ATXN10: variants seen among roughly 807,000 people sequenced by gnomAD.
ATXN10 encodes ataxin-10.
A neutral mutation model predicts 52.9 loss-of-function variants in ATXN10; 28 were observed. That is an observed-to-expected ratio of 0.53 (90% CI 0.39 to 0.73). The LOEUF is 0.73. ATXN10 is among the 30% of genes least tolerant of loss of function. The pLI is 0.00. For synonymous variants in ATXN10, 226 were observed against 221.5 expected, an observed-to-expected ratio of 1.02 and a Z score of -0.18; for missense variants, 565 against 577.0, an observed-to-expected ratio of 0.98 and a Z score of 0.21.
chr22:45,773,714 T>A (rs544684787), intron 9 of ATXN10, among the ~76,000 whole-genome samples: 1 of 152,220 alleles, frequency 6.6e-6, no homozygotes, highest in East Asian at 1.9e-4. Flanking sequence ...CACCTCGGCC[T>A]CCCAAAATGC....
chr22:45,705,933 G>C lies in ATXN10; in HGVS notation c.647+3086G>C, dbSNP rs769520927. On this transcript the variant is annotated intron_variant, in intron 5 of 11. Transcript: ENST00000252934. The surrounding 1 kb of genome is among the most constrained non-coding windows in gnomAD (Gnocchi z 5.2). ...AGCAGGCAAGCAAGCATTCCTGCCTGAGCGCCACTTCTTGTCAGATCATCA... is the reference window on the plus strand; with the variant it reads ...AGCAGGCAAGCAAGCATTCCTGCCTCAGCGCCACTTCTTGTCAGATCATCA... Among the ~76,000 whole-genome samples, 2 of 152,296 alleles carry C rather than the reference G, an allele frequency of 1.3e-5. No individual in the cohort carries two copies. The highest frequency in any genetic ancestry group is 2.4e-5 in the African/African-American group (1 of 41,564).
chr22:45,843,276 G>C lies in ATXN10; in HGVS notation c.1425+98G>C. 7.5e-7 allele frequency: 1 copy of C among 1,339,678 alleles called. No homozygotes were observed. The highest frequency in any genetic ancestry group is 1.1e-6 in the Non-Finnish European group (1 of 943,124). 83.0% of individuals were successfully genotyped at this position (1,339,678 alleles called of 1,614,324 possible). A position where few individuals can be genotyped will look rare whatever the true frequency, so the allele number is the denominator to read the frequency against. On this transcript the variant is annotated intron_variant, in intron 11 of 11. Coordinates refer to ENST00000252934, the MANE Select transcript of ATXN10 (RefSeq NM_013236.4). The surrounding 1 kb of genome is among the most constrained non-coding windows in gnomAD (Gnocchi z 4.5). ...GCACGAGGCTCTTTGTAAGAATATG[G>C]ATGGGAGAATTGTGCCCTCTATAGT...
rs1165713220 is a variant in ATXN10 at position 45,769,804 on chromosome 22, C to T, written c.1173+29266C>T. Reference sequence around the variant, plus strand: ...AAAATATCTGATGAATGAATTTACTCTGTATGCAGTAGAGTGTGATCTGAA... The same window carrying T: ...AAAATATCTGATGAATGAATTTACTTTGTATGCAGTAGAGTGTGATCTGAA... On this transcript the variant is annotated intron_variant, in intron 9 of 11. Coordinates refer to ENST00000252934, the MANE Select transcript of ATXN10 (RefSeq NM_013236.4). The surrounding 1 kb of genome is among the most constrained non-coding windows in gnomAD (Gnocchi z 4.2). Among the ~76,000 whole-genome samples, 1 of 152,130 alleles carries T rather than the reference C, an allele frequency of 6.6e-6. No homozygotes were observed.
chr22:45,791,698 G>T (rs907547516), intron 9 of ATXN10, among the ~76,000 whole-genome samples: 8 of 152,122 alleles, frequency 5.3e-5, no homozygotes, highest in African/African-American at 1.7e-4. Flanking sequence ...GAATATTTTA[G>T]GGGAAGGGGA....
chr22:45,689,158 G>A (rs576614111), intron 1 of ATXN10, among the ~76,000 whole-genome samples: 3 of 152,344 alleles, frequency 2.0e-5, no homozygotes, highest in East Asian at 3.9e-4. Flanking sequence ...TGTCTACAGA[G>A]TAGATAGTAT....
chr22:45,736,302 A>G (rs1033471821), intron 7 of ATXN10, among the ~76,000 whole-genome samples: 4 of 152,188 alleles, frequency 2.6e-5, no homozygotes, highest in Admixed American at 6.5e-5. Flanking sequence ...CAAAGCTCCA[A>G]CATATTTCAT....
chr22:45,699,216 A>C (rs1569027551), intron 3 of ATXN10, among the ~76,000 whole-genome samples: 1 of 152,192 alleles, frequency 6.6e-6, no homozygotes, highest in Non-Finnish European at 1.5e-5. Flanking sequence ...TATTTACATA[A>C]AGATCAGTTG....
rs181157403 is a variant in ATXN10 at position 45,726,398 on chromosome 22, C to T, written c.729-3027C>T. Among the ~76,000 whole-genome samples, 24 of 152,196 alleles carry T rather than the reference C, an allele frequency of 1.6e-4. 1 individual carries two copies. Among genetic ancestry groups the T allele is most frequent in the South Asian group, 6.2e-4 (3 of 4,818 alleles). On this transcript the variant is annotated intron_variant, in intron 6 of 11. Coordinates refer to ENST00000252934, the MANE Select transcript of ATXN10 (RefSeq NM_013236.4). ...TCTGATTCAAGCTAGGAGGGTTGTA[C>T]GTTTCCAGAGATTTGTTCATTTCCT...
chr22:45,841,393 C>T lies in ATXN10; in HGVS notation c.1238-1598C>T, dbSNP rs770304893. Reference sequence around the variant, plus strand: ...GCTAAACCTCCAAAGACCAGCAGGTCATTCACTCAGCACATGTTGGTTGGT... The same window carrying T: ...GCTAAACCTCCAAAGACCAGCAGGTTATTCACTCAGCACATGTTGGTTGGT... On this transcript the variant is annotated intron_variant, in intron 10 of 11. Coordinates refer to ENST00000252934, the MANE Select transcript of ATXN10 (RefSeq NM_013236.4). The surrounding 1 kb of genome is among the most constrained non-coding windows in gnomAD (Gnocchi z 5.1). Among the ~76,000 whole-genome samples, 1 of 152,228 alleles carries T rather than the reference C, an allele frequency of 6.6e-6. No homozygotes were observed. Among genetic ancestry groups the T allele is most frequent in the Non-Finnish European group, 1.5e-5 (1 of 68,040 alleles).
intron 7 of ATXN10, chr22:45,734,530 A>AT (rs199766625): frequency 0.073 from 8,267 of 113,888 alleles, 522 homozygotes; most frequent in African/African-American, 0.19. Flanking sequence ...TGGCCTCTGG[A>AT]TTTTTTTTTT....
intron 6 of ATXN10, among the ~76,000 whole-genome samples, chr22:45,725,345 A>G (rs376411806): frequency 8.1e-5 from 12 of 148,194 alleles, no homozygotes; most frequent in African/African-American, 3.0e-4. Flanking sequence ...CATGTTTTAT[A>G]GTTTTCCTTG....
Position 45,819,314 on chromosome 22 carries a change from A to G in ATXN10, c.1237+12292A>G, listed in dbSNP as rs1928574094. Among the ~76,000 whole-genome samples the G allele has an allele frequency of 6.6e-6, 1 of 152,220 alleles. No individual in the cohort carries two copies. The highest frequency in any genetic ancestry group is 1.5e-5 in the Non-Finnish European group (1 of 68,044). On this transcript the variant is annotated intron_variant, in intron 10 of 11. Transcript: ENST00000252934. This position sits in a 1 kb window ranked among gnomAD's most constrained non-coding sequence, Gnocchi z 4.5. ...TGTATCTGATGTATAAGATCAGATC[A>G]TAAGCCTAAAGTAGCCTAAAGTATC...
intron 9 of ATXN10, among the ~76,000 whole-genome samples, chr22:45,801,599 G>T (rs1378041693): frequency 1.3e-5 from 2 of 152,136 alleles, no homozygotes; most frequent in Non-Finnish European, 2.9e-5. Flanking sequence ...TACAAATCCA[G>T]ACATACACCC....
chr22:45,713,204 A>G (rs371937614), intron 5 of ATXN10, among the ~76,000 whole-genome samples: 7 of 152,008 alleles, frequency 4.6e-5, no homozygotes, highest in African/African-American at 9.7e-5. Flanking sequence ...GACCTTTACT[A>G]CCTTCTATTT....
chr22:45,834,936 T>A (rs1260962281), intron 10 of ATXN10, among the ~76,000 whole-genome samples: 1 of 152,068 alleles, frequency 6.6e-6, no homozygotes, highest in Non-Finnish European at 1.5e-5. Flanking sequence ...TTTCGTGTGG[T>A]TTAAGTTAGA....
rs1925123547 is a variant in ATXN10, at chr22:45,732,393, A to T, written c.894+2803A>T. ...AGGCTTGCCTAAGCCCAGAAGATTG[A>T]GGCTGCAGTGAGCTGTGATTGCGCT... is the stretch of plus-strand genomic sequence containing the variant. On this transcript the variant is annotated intron_variant, in intron 7 of 11. Coordinates refer to ENST00000252934, the MANE Select transcript of ATXN10 (RefSeq NM_013236.4). This position sits in a 1 kb window ranked among gnomAD's most constrained non-coding sequence, Gnocchi z 4.5. Among the ~76,000 whole-genome samples the T allele has an allele frequency of 6.6e-6, 1 of 152,076 alleles. No individual in the cohort carries two copies. Among genetic ancestry groups the T allele is most frequent in the Non-Finnish European group, 1.5e-5 (1 of 68,008 alleles).
chr22:45,697,874 C>T (rs924135922), intron 3 of ATXN10, among the ~76,000 whole-genome samples: 11 of 152,318 alleles, frequency 7.2e-5, no homozygotes, highest in Admixed American at 2.6e-4. Context: ...TTGTGATCCG[C>T]CCGCCTCGGC....
At chr22:45,832,067 T>C (rs528429419) in intron 10 of ATXN10, among the ~76,000 whole-genome samples, 14 of 152,304 alleles carry the variant, frequency 9.2e-5, no homozygotes, top group African/African-American at 3.1e-4. Flanking sequence ...TGAACCCAAG[T>C]CTGTATTATT....
At position 45,763,890 on chromosome 22, in the gene ATXN10, G is replaced by C. The variant is rs1926486907; in HGVS notation, c.1173+23352G>C. ...CTGTCTTGAGGTGCCGGCTGTGTTA[G>C]GCTCTTACCCCCACCTCCCCCAGTG... On this transcript the variant is annotated intron_variant, in intron 9 of 11. Transcript: ENST00000252934. The surrounding 1 kb of genome is among the most constrained non-coding windows in gnomAD (Gnocchi z 6.9). 6.6e-6 allele frequency among the ~76,000 whole-genome samples: 1 copy of C among 152,138 alleles called. No individual in the cohort carries two copies. The highest frequency in any genetic ancestry group is 2.4e-5 in the African/African-American group (1 of 41,422).
Sources: allele counts gnomAD v4.1 joint callset (sites outside exome capture counted in the v4.1 genomes callset), GRCh38; gene constraint gnomAD v4.1.1; non-coding constraint Gnocchi (gnomAD v3.1); transcripts MANE v1.5; gene names NCBI Gene and HGNC (gene_info 2026-07-23, HGNC 2026-07-21).